Variants in AUTS2 observed in about 807,000 individuals in gnomAD.
AUTS2 encodes autism susceptibility gene 2 protein.
In AUTS2, 17 loss-of-function variants were observed where a neutral mutation model predicts 112.4. That is an observed-to-expected ratio of 0.15 (90% confidence interval 0.10 to 0.23). The LOEUF is 0.23. AUTS2 is among the 10% of genes least tolerant of loss of function. The pLI is 1.00. For missense variants in AUTS2, 1,510 were observed against 1,701.6 expected (o/e 0.89, Z 1.98); for synonymous variants, 751 against 702.7 (o/e 1.07, Z -1.09).
At chr7:69,663,857 T>C (rs1795916291) in intron 1 of AUTS2, among the ~76,000 whole-genome samples, 1 of 152,176 alleles carries the variant, frequency 6.6e-6, no homozygotes, top group South Asian at 2.1e-4. Context: ...GTATTAAATA[T>C]TCAACCAAGG....
chr7:70,685,359 G>C (rs568971045), intron 5 of AUTS2, among the ~76,000 whole-genome samples: 10 of 151,606 alleles, frequency 6.6e-5, no homozygotes, highest in African/African-American at 2.2e-4. Context: ...TGTAGACCCA[G>C]CTTCTCAGGA....
At chr7:69,781,584 T>C (rs557666319) in intron 1 of AUTS2, among the ~76,000 whole-genome samples, 74 of 152,364 alleles carry the variant, frequency 4.9e-4, no homozygotes, top group African/African-American at 1.7e-3. Context: ...AATAATTGTT[T>C]GTTTAAAAGT....
At chr7:70,570,738 C>G (rs2129525282) in intron 5 of AUTS2, among the ~76,000 whole-genome samples, 1 of 152,294 alleles carries the variant, frequency 6.6e-6, no homozygotes, top group Middle Eastern at 3.4e-3. Flanking sequence ...GTCCTCCTCC[C>G]TCTCTTCTGT....
At chr7:70,560,084 A>G (rs1004120815) in intron 5 of AUTS2, among the ~76,000 whole-genome samples, 5 of 152,172 alleles carry the variant, frequency 3.3e-5, no homozygotes, top group Non-Finnish European at 5.9e-5. Context: ...TTTGCACCAC[A>G]GAGATTGGTT....
chr7:70,629,925 G>T (rs550598843), intron 5 of AUTS2, among the ~76,000 whole-genome samples: 1 of 152,052 alleles, frequency 6.6e-6, no homozygotes, highest in Non-Finnish European at 1.5e-5. Context: ...TATTGGAGTC[G>T]TGTAGTCCAT....
Position 70,103,229 on chromosome 7 carries a change from G to T in AUTS2, c.523-14903G>T, listed in dbSNP as rs374658224. On this transcript the variant is annotated intron_variant, in intron 2 of 18. Coordinates refer to ENST00000342771, the MANE Select transcript of AUTS2 (RefSeq NM_015570.4). ...TCTGGAGGGGTAGCATAATGTTTTGGAAATAATGCACACTCCAGAATAAAA... is the reference window on the plus strand; with the variant it reads ...TCTGGAGGGGTAGCATAATGTTTTGTAAATAATGCACACTCCAGAATAAAA... 3.9e-5 allele frequency among the ~76,000 whole-genome samples: 6 copies of T among 152,232 alleles called. No homozygotes were observed. The East Asian group carries it at 1.2e-3, about 29-fold the overall frequency.
intron 2 of AUTS2, among the ~76,000 whole-genome samples, chr7:70,005,241 G>A (rs1279135467): frequency 6.6e-6 from 1 of 151,978 alleles, no homozygotes; most frequent in Non-Finnish European, 1.5e-5. Flanking sequence ...AGCTTCCATG[G>A]GTGACCTGGT....
intron 4 of AUTS2, among the ~76,000 whole-genome samples, chr7:70,386,467 C>A (rs1188013564): frequency 6.6e-6 from 1 of 152,164 alleles, no homozygotes; most frequent in Non-Finnish European, 1.5e-5. Context: ...ACCATCACCA[C>A]TATCTAATTC....
At chr7:70,417,446 C>T (rs141434902) in intron 4 of AUTS2, among the ~76,000 whole-genome samples, 7 of 152,284 alleles carry the variant, frequency 4.6e-5, no homozygotes, top group South Asian at 4.1e-4. Context: ...AATTTCCAGG[C>T]GTAACCCTTT....
At chr7:70,720,328 A>T (rs931771981) in intron 6 of AUTS2, among the ~76,000 whole-genome samples, 4 of 152,040 alleles carry the variant, frequency 2.6e-5, no homozygotes, top group African/African-American at 9.7e-5. Flanking sequence ...TGCCTCGGGG[A>T]ATACTGTTAG....
intron 5 of AUTS2, among the ~76,000 whole-genome samples, chr7:70,578,161 T>A (rs921883617): frequency 5.3e-5 from 8 of 152,184 alleles, no homozygotes; most frequent in Non-Finnish European, 1.2e-4. Flanking sequence ...CCTCAGTAGA[T>A]TCCTAGTAGA....
intron 1 of AUTS2, among the ~76,000 whole-genome samples, chr7:69,691,728 C>G (rs1033140324): frequency 2.0e-5 from 3 of 152,006 alleles, no homozygotes; most frequent in Non-Finnish European, 2.9e-5. Context: ...GGCTCCCACC[C>G]TGCTAACTCG....
intron 5 of AUTS2, among the ~76,000 whole-genome samples, chr7:70,654,559 GAA>G (rs1304211226): frequency 6.6e-6 from 1 of 152,052 alleles, no homozygotes; most frequent in African/African-American, 2.4e-5. Flanking sequence ...TTCCTGCAAA[GAA>G]AGAAAAATTA....
At chr7:70,662,669 G>A (rs1785282362) in intron 5 of AUTS2, among the ~76,000 whole-genome samples, 2 of 152,146 alleles carry the variant, frequency 1.3e-5, no homozygotes, top group Admixed American at 1.3e-4. Flanking sequence ...CTCTAATAGA[G>A]GGTAGGCAGG....
At chr7:70,429,350 G>A (rs1321309267) in intron 4 of AUTS2, among the ~76,000 whole-genome samples, 1 of 152,238 alleles carries the variant, frequency 6.6e-6, no homozygotes, top group African/African-American at 2.4e-5. Flanking sequence ...GCAAACAACG[G>A]CAGTACAGTT....
chr7:69,797,201 G>A (rs997764742), intron 1 of AUTS2, among the ~76,000 whole-genome samples: 3 of 152,136 alleles, frequency 2.0e-5, no homozygotes, highest in Non-Finnish European at 4.4e-5. Flanking sequence ...GTAGTATTAC[G>A]CAGAGCCCAG....
chr7:69,759,002 A>C (rs1330456185), intron 1 of AUTS2, among the ~76,000 whole-genome samples: 1 of 152,214 alleles, frequency 6.6e-6, no homozygotes, highest in East Asian at 1.9e-4. Flanking sequence ...AATAATAATT[A>C]TGATGGCAGG....
intron 1 of AUTS2, among the ~76,000 whole-genome samples, chr7:69,623,293 A>T (rs1366412396): frequency 6.6e-6 from 1 of 150,796 alleles, no homozygotes; most frequent in African/African-American, 2.4e-5. Flanking sequence ...GACAGTCATG[A>T]CTCACTGCAG....
chr7:70,355,253 G>A (rs770175742), intron 4 of AUTS2, among the ~76,000 whole-genome samples: 11 of 151,846 alleles, frequency 7.2e-5, no homozygotes, highest in Non-Finnish European at 1.0e-4. Context: ...CCAGAAATCC[G>A]ACAGAAAGTA....
Sources: allele counts gnomAD v4.1 joint callset (sites outside exome capture counted in the v4.1 genomes callset), GRCh38; gene constraint gnomAD v4.1.1; transcripts MANE v1.5; gene names NCBI Gene and HGNC (gene_info 2026-07-23, HGNC 2026-07-21).